The following BLM variants were observed in gnomAD, a reference collection of about 807,000 sequenced individuals.
The protein encoded by BLM is BLM RecQ like helicase.
BLM carries 95 observed loss-of-function variants against 135.3 expected under a neutral mutation model. The observed-to-expected ratio is 0.70, with a 90% CI of 0.59 to 0.83. The LOEUF is 0.83. BLM is among the 40% of genes least tolerant of loss of function. BLM has a pLI of 0.00. For synonymous variants in BLM, 520 were observed against 589.2 expected, an observed-to-expected ratio of 0.88 and a Z score of 1.70; for missense variants, 1,518 against 1,663.9, an observed-to-expected ratio of 0.91 and a Z score of 1.53.
intron 12 of BLM, among the ~76,000 whole-genome samples, chr15:90,773,709 T>G (rs1414595853): frequency 6.6e-6 from 1 of 152,168 alleles, no homozygotes; most frequent in African/African-American, 2.4e-5. Flanking sequence ...TCTGGACATT[T>G]CATATAAATG....
rs897262346 is a variant in BLM at position 90,749,366 on chromosome 15, G to T, written c.99-1G>T. ...AATCTAGTTTTTCCATTATTTTTCAGAGGTTTCACTTTTAAAAAGAAAACA... is the reference window on the plus strand; with the variant it reads ...AATCTAGTTTTTCCATTATTTTTCATAGGTTTCACTTTTAAAAAGAAAACA... On this transcript the variant is annotated splice_acceptor_variant, in intron 2 of 21. Coordinates refer to ENST00000355112, the MANE Select transcript of BLM (RefSeq NM_000057.4). LOFTEE classifies it high-confidence loss of function. 1 of 1,593,256 alleles carries T rather than the reference G, an allele frequency of 6.3e-7. No homozygotes were observed. The highest frequency in any genetic ancestry group is 1.3e-5 in the African/African-American group (1 of 74,330).
rs1555418290 is a variant in BLM at position 90,749,506 on chromosome 15, A to G, written c.238A>G (p.Thr80Ala). The G allele has an allele frequency of 8.1e-6, 13 of 1,614,190 alleles. No individual in the cohort carries two copies. Among genetic ancestry groups the G allele is most frequent in the Admixed American group, 1.7e-5 (1 of 60,024 alleles). The change falls in exon 3 of 22, where the codon ACC becomes GCC. Residue 80 changes from threonine (T) to alanine (A), a missense_variant. Around this residue, in one of 5 missense-constraint regions of BLM, gnomAD observed 724 missense variants for 756.9 expected, o/e 0.96. Transcript: ENST00000355112. The stretch of plus-strand genomic sequence containing the variant: ...TTCCTTCAGTGAACCTCTACCCAAC[A>G]CCACAAATCAGCAAAGGGTCAAGGA... Reference protein sequence around the residue: ...DFSFSEPLPNTTNQQRVKDFF... With the variant: ...DFSFSEPLPNATNQQRVKDFF...
chr15:90,759,374 C>T (rs1251498990), intron 5 of BLM, among the ~76,000 whole-genome samples: 2 of 148,586 alleles, frequency 1.3e-5, no homozygotes, highest in East Asian at 2.0e-4. Context: ...CCAGCCTGGG[C>T]AACATGGCAA....
At position 90,787,036 on chromosome 15, in the gene BLM, C is replaced by CTTTTTT. The variant is rs11366266; in HGVS notation, c.2823+1980_2823+1985dup. On this transcript the variant is annotated intron_variant, in intron 14 of 21. Transcript: ENST00000355112. The stretch of plus-strand genomic sequence containing the variant: ...AAAGCTGAAAATACTTTAGGCATCT[C>CTTTTTT]TTTTTTTTTTTTTTTTTTTTTTTTT... Among the ~76,000 whole-genome samples the CTTTTTT allele has an allele frequency of 6.9e-5, 4 of 57,962 alleles. 1 individual carries two copies. Among genetic ancestry groups the CTTTTTT allele is most frequent in the African/African-American group, 1.7e-4 (2 of 11,816 alleles). 38.0% of individuals were successfully genotyped at this position (57,962 alleles called of 152,430 possible).
At chr15:90,726,702 G>A (rs1894927464) in intron 1 of BLM, among the ~76,000 whole-genome samples, 1 of 152,182 alleles carries the variant, frequency 6.6e-6, no homozygotes, top group South Asian at 2.1e-4. Context: ...TTAACTTTCT[G>A]TTCTTTATTC....
Position 90,760,995 on chromosome 15 carries a change from A to G in BLM, c.1622A>G (p.Asn541Ser), listed in dbSNP as rs1240946873. 1.2e-6 allele frequency: 2 copies of G among 1,610,426 alleles called. No individual in the cohort carries two copies. Among genetic ancestry groups the G allele is most frequent in the Admixed American group, 1.7e-5 (1 of 59,188 alleles). Residue 541 changes from asparagine (N) to serine (S), a missense_variant, in exon 7 of 22, where the codon AAT becomes AGT. Around this residue, in one of 5 missense-constraint regions of BLM, gnomAD observed 724 missense variants for 756.9 expected, o/e 0.96. Transcript: ENST00000355112. ...KDQNKHTASI[N>S]DLERETQPSY... ...CAGAATAAACATACTGCTTCAATAA[A>G]TGACTTAGAAAGAGAAACCCAACCT...
chr15:90,811,229 G>T lies in BLM; in HGVS notation c.3899G>T (p.Ser1300Ile). 6.2e-7 allele frequency: 1 copy of T among 1,613,676 alleles called. No homozygotes were observed. ...GCTGAAGACAGTTCCCCAGGGATAA[G>T]CCTGTCCAGCAGCAGAGGCCCCGGA... ...SPAEDSSPGI[S>I]LSSSRGPGRS... Residue 1300 changes from serine (S) to isoleucine (I), a missense_variant, in exon 21 of 22, where the codon AGC becomes ATC. Around this residue, in one of 5 missense-constraint regions of BLM, gnomAD observed 153 missense variants for 173.4 expected, o/e 0.88. Transcript: ENST00000355112.
At position 90,750,061 on chromosome 15, in the gene BLM, G is replaced by C. The variant is rs751718191; in HGVS notation, c.793G>C (p.Glu265Gln). ...CTCTCTGAAAACTCATTTGGAAGAT[G>C]AAAGAGGTAACAATTATTTTATCTT... is the stretch of plus-strand genomic sequence containing the variant. ...SDSLKTHLED[E>Q]RDNSEKKKNL... Residue 265 changes from glutamate to glutamine, a missense_variant, in exon 3 of 22, where the codon GAA becomes CAA. Physicochemically the swap from Glu to Gln is conservative, Grantham distance 29. This residue lies in a region of BLM where 724 missense variants were observed against 756.9 expected (regional missense o/e 0.96). Transcript: ENST00000355112. 5 of 1,613,758 alleles carry C rather than the reference G, an allele frequency of 3.1e-6. No individual in the cohort carries two copies. The highest frequency in any genetic ancestry group is 4.2e-6 in the Non-Finnish European group (5 of 1,179,770).
chr15:90,788,138 T>C (rs1896801533), intron 14 of BLM, among the ~76,000 whole-genome samples: 1 of 152,146 alleles, frequency 6.6e-6, no homozygotes, highest in Admixed American at 6.5e-5. Context: ...GGAAATTATC[T>C]TTGTTGACAA....
At chr15:90,800,781 C>CA (rs143330563) in intron 17 of BLM, among the ~76,000 whole-genome samples, 23,224 of 151,108 alleles carry the variant, frequency 0.15, 1,897 homozygotes, top group Non-Finnish European at 0.19. Context: ...ACTTCTCAAC[C>CA]AAAAAAAAGG....
At chr15:90,765,470 C>T in intron 9 of BLM, 56 bp downstream of exon 9, 1 of 1,310,200 alleles carries the variant, frequency 7.6e-7, no homozygotes, top group South Asian at 1.2e-5. Flanking sequence ...AATTTCAGTC[C>T]TCTGGATAAC....
chr15:90,740,129 A>G (rs545709969), intron 1 of BLM, among the ~76,000 whole-genome samples: 4 of 152,144 alleles, frequency 2.6e-5, no homozygotes, highest in Non-Finnish European at 5.9e-5. Context: ...GTACAATCCA[A>G]TGGCTTTGAG....
Position 90,804,204 on chromosome 15 carries a change from A to G in BLM, c.3596A>G (p.Lys1199Arg). Residue 1199 changes from lysine (K) to arginine (R), a missense_variant, in exon 19 of 22, where the codon AAA becomes AGA. By Grantham distance (26) the Lys-to-Arg change is conservative. Coordinates refer to ENST00000355112, the MANE Select transcript of BLM (RefSeq NM_000057.4). ...GAAACAGAAAATTCCAGCAGTGTGA[A>G]AAAACAAAAAGCGTTAGTAGCAAAA... is the stretch of plus-strand genomic sequence containing the variant. ...FMETENSSSV[K>R]KQKALVAKVS... 1 of 1,614,220 alleles carries G rather than the reference A, an allele frequency of 6.2e-7. No homozygotes were observed. The highest frequency in any genetic ancestry group is 2.2e-5 in the East Asian group (1 of 44,888).
At chr15:90,788,466 G>GTTTTTTTTTTTTTT (rs1210685761) in intron 14 of BLM, among the ~76,000 whole-genome samples, 1 of 58,866 alleles carries the variant, frequency 1.7e-5, no homozygotes, top group African/African-American at 6.7e-5. Flanking sequence ...AAATGCCAGT[G>GTTTTTTTTTTTTTT]TTTTGTTTTT....
At chr15:90,744,708 T>C (rs1895454502) in intron 1 of BLM, among the ~76,000 whole-genome samples, 1 of 151,754 alleles carries the variant, frequency 6.6e-6, no homozygotes, top group Non-Finnish European at 1.5e-5. Flanking sequence ...AATGGTGAAG[T>C]GCCCTAGGAA....
intron 2 of BLM, among the ~76,000 whole-genome samples, chr15:90,749,083 C>G (rs865864678): frequency 6.6e-6 from 1 of 152,066 alleles, no homozygotes; most frequent in Non-Finnish European, 1.5e-5. Context: ...TTTATGCTGT[C>G]ACCCCGCTCT....
In BLM at chr15:90,769,549, G is replaced by C. The variant is rs1238410843; in HGVS notation, c.2518G>C (p.Asp840His). The C allele has an allele frequency of 6.2e-7, 1 of 1,613,958 alleles. No individual in the cohort carries two copies. Among genetic ancestry groups the C allele is most frequent in the Admixed American group, 1.7e-5 (1 of 59,990 alleles). The stretch of plus-strand genomic sequence containing the variant: ...CACAGCTAATCCCAGGGTACAGAAG[G>C]ACATCCTGACTCAGCTGAAGATTCT... The part of the protein sequence containing the change: ...TATANPRVQK[D>H]ILTQLKILRP... Residue 840 changes from aspartate to histidine, a missense_variant, in exon 12 of 22, where the codon GAC becomes CAC. By Grantham distance (81) the Asp-to-His change is moderately conservative. Coordinates refer to ENST00000355112, the MANE Select transcript of BLM (RefSeq NM_000057.4).
At chr15:90,757,928 C>G (rs570204510) in intron 5 of BLM, among the ~76,000 whole-genome samples, 2 of 150,182 alleles carry the variant, frequency 1.3e-5, no homozygotes, top group South Asian at 4.2e-4. Context: ...GTCACCCAGG[C>G]TAAAGTGCAC....
chr15:90,796,884 T>G (rs1287299477), intron 16 of BLM, among the ~76,000 whole-genome samples: 1 of 152,058 alleles, frequency 6.6e-6, no homozygotes, highest in Non-Finnish European at 1.5e-5. Context: ...CATCTGAGGT[T>G]GAGGATCAGC....
Sources: gnomAD v4.1 joint callset for allele counts (sites outside exome capture counted in the v4.1 genomes callset) on GRCh38, gnomAD v4.1.1 for gene constraint, gnomAD v4.1.1 regional missense constraint, MANE v1.5 for transcripts, NCBI Gene and HGNC (gene_info 2026-07-23, HGNC 2026-07-21) for gene names.